The following CCDC66 variants were observed in gnomAD, a reference collection of about 807,000 sequenced individuals.
The protein encoded by CCDC66 is coiled-coil domain-containing protein 66.
CCDC66 carries 133 observed loss-of-function variants against 128.3 expected under a neutral mutation model. The ratio of observed to expected loss-of-function variants is 1.04; its 90% CI spans 0.90 to 1.20. The LOEUF (loss-of-function observed/expected upper bound fraction) is 1.20. CCDC66 is among the 50% of genes most tolerant of loss of function. The pLI, the probability that CCDC66 is intolerant of heterozygous loss-of-function variation, is 0.00. For synonymous variants in CCDC66, 387 were observed against 357.0 expected, an observed-to-expected ratio of 1.08 and a Z score of -0.95; for missense variants, 1,126 against 1,075.5, an observed-to-expected ratio of 1.05 and a Z score of -0.66.
chr3:56,583,544 G>A (rs371751124), intron 7 of CCDC66, among the ~76,000 whole-genome samples: 3 of 151,816 alleles, frequency 2.0e-5, no homozygotes, highest in South Asian at 2.1e-4. Context: ...AACAAAGCAC[G>A]TCTTGCACCG....
chr3:56,612,868 C>T (rs1007654637), intron 10 of CCDC66, among the ~76,000 whole-genome samples: 7 of 152,152 alleles, frequency 4.6e-5, no homozygotes, highest in Non-Finnish European at 8.8e-5. Flanking sequence ...GACCTGCCCC[C>T]GGGTTCCCAA....
In CCDC66 at chr3:56,594,031, A is replaced by G. The variant is rs143212383; in HGVS notation, c.1404+3A>G. The G allele has an allele frequency of 6.2e-6, 10 of 1,611,574 alleles. No homozygotes were observed. Among genetic ancestry groups the G allele is most frequent in the Middle Eastern group, 1.6e-4 (1 of 6,062 alleles). The stretch of plus-strand genomic sequence containing the variant: ...GACAAAAACAATTAGAGCATCAGGT[A>G]TTGCATTGTTAAACATTGTTCTTTA... On this transcript the variant is annotated splice_donor_region_variant and intron_variant, in intron 10 of 17. Transcript: ENST00000394672.
intron 7 of CCDC66, among the ~76,000 whole-genome samples, chr3:56,584,387 C>T (rs1332018828): frequency 6.7e-5 from 10 of 148,754 alleles, no homozygotes; most frequent in African/African-American, 7.4e-5. Context: ...GGGCGGCTGC[C>T]GGGTGGAGGG....
chr3:56,564,468 G>A (rs1241482993), intron 4 of CCDC66, among the ~76,000 whole-genome samples: 4 of 152,190 alleles, frequency 2.6e-5, no homozygotes, highest in African/African-American at 4.8e-5. Flanking sequence ...AACAAATTAC[G>A]GTATTTCCAG....
At chr3:56,586,695 G>A (rs1260159205) in intron 7 of CCDC66, among the ~76,000 whole-genome samples, 5 of 151,792 alleles carry the variant, frequency 3.3e-5, no homozygotes, top group Non-Finnish European at 7.4e-5. Flanking sequence ...GCAGAGATAT[G>A]AAAACTCCAA....
intron 4 of CCDC66, among the ~76,000 whole-genome samples, chr3:56,566,105 TCC>T (rs1262285740): frequency 1.4e-3 from 202 of 147,232 alleles, no homozygotes; most frequent in Non-Finnish European, 2.3e-3. Context: ...GGCTTCAGTT[TCC>T]TTTGTTTTGT....
Position 56,593,110 on chromosome 3 carries a change from T to C in CCDC66, c.1068+9T>C, listed in dbSNP as rs548245099. 31 of 1,561,686 alleles carry C rather than the reference T, an allele frequency of 2.0e-5. No homozygotes were observed. The Admixed American group carries it at 2.8e-4, about 14-fold the overall frequency. ...AAATTATATATTCAAAGGTAACTTA[T>C]GAGGTTTTGTGGCTATAAAAGAAAA... On this transcript the variant is annotated intron_variant, in intron 8 of 17. Coordinates refer to ENST00000394672, the MANE Select transcript of CCDC66 (RefSeq NM_001141947.3).
In CCDC66 at chr3:56,617,381, A is replaced by AT; in HGVS notation, c.2114dup (p.Asn706LysfsTer2). On this transcript the variant is annotated frameshift_variant, in exon 14 of 18. Coordinates refer to ENST00000394672, the MANE Select transcript of CCDC66 (RefSeq NM_001141947.3). LOFTEE classifies it high-confidence loss of function. ...ATATCCTAAAAGGCCTGATTGGAAT[A>AT]TAAATAAGCCACCTAAAAGGTATAT... 6.2e-7 allele frequency: 1 copy of AT among 1,613,960 alleles called. No homozygotes were observed. The highest frequency in any genetic ancestry group is 1.7e-5 in the Admixed American group (1 of 59,978).
chr3:56,563,382 T>A (rs11715065), intron 3 of CCDC66: 50 of 143,632 alleles, frequency 3.5e-4, no homozygotes, highest in African/African-American at 1.0e-3. Flanking sequence ...GTTAAAAAAA[T>A]TTTTTTAATT....
intron 10 of CCDC66, among the ~76,000 whole-genome samples, chr3:56,608,211 C>G (rs965161466): frequency 6.6e-5 from 10 of 152,090 alleles, no homozygotes; most frequent in Non-Finnish European, 2.9e-5. Context: ...AGAATTGGTA[C>G]CAATTACCTG....
Position 56,557,183 on chromosome 3 carries a change from G to T in CCDC66, c.-60G>T. 6.4e-7 allele frequency: 1 copy of T among 1,550,680 alleles called. No individual in the cohort carries two copies. Among genetic ancestry groups the T allele is most frequent in the Non-Finnish European group, 8.7e-7 (1 of 1,146,510 alleles). ...TTGGCGTAGCGCTTGCTGAGCGGCG[G>T]CGGCAACCGACGTACACAAGGGGCT... is the stretch of plus-strand genomic sequence containing the variant. On this transcript the variant is annotated 5_prime_UTR_variant, in exon 1 of 18. Transcript: ENST00000394672.
intron 3 of CCDC66, chr3:56,561,509 T>G: frequency 3.5e-6 from 1 of 287,614 alleles, no homozygotes; most frequent in Non-Finnish European, 6.7e-6. Flanking sequence ...TCAACTGATG[T>G]TGAGCCTAAA....
At chr3:56,604,968 T>C (rs2073854032) in intron 10 of CCDC66, among the ~76,000 whole-genome samples, 1 of 152,024 alleles carries the variant, frequency 6.6e-6, no homozygotes, top group Non-Finnish European at 1.5e-5. Context: ...GTGTTTGTTC[T>C]TTTTCATTCT....
At chr3:56,572,253 G>A in intron 7 of CCDC66, 1 of 718,542 alleles carries the variant, frequency 1.4e-6, no homozygotes, top group South Asian at 1.4e-5. Context: ...TAGTGCTTTT[G>A]TGATTTTTAA....
At chr3:56,612,977 G>T (rs951409388) in intron 10 of CCDC66, among the ~76,000 whole-genome samples, 2 of 152,158 alleles carry the variant, frequency 1.3e-5, no homozygotes, top group Admixed American at 6.5e-5. Flanking sequence ...CTGCATTGTA[G>T]CTCTGCTACT....
chr3:56,614,800 T>A (rs1184261241), intron 11 of CCDC66, among the ~76,000 whole-genome samples: 1 of 152,202 alleles, frequency 6.6e-6, no homozygotes, highest in Non-Finnish European at 1.5e-5. Context: ...AAGTATCATT[T>A]GAACCGCAAG....
intron 10 of CCDC66, among the ~76,000 whole-genome samples, chr3:56,610,165 T>C (rs950196535): frequency 2.0e-5 from 3 of 152,232 alleles, no homozygotes; most frequent in Non-Finnish European, 2.9e-5. Flanking sequence ...CCCCTAAATA[T>C]GTTTTGCAAG....
intron 7 of CCDC66, among the ~76,000 whole-genome samples, chr3:56,584,870 A>G (rs1227968722): frequency 6.6e-6 from 1 of 151,936 alleles, no homozygotes; most frequent in Non-Finnish European, 1.5e-5. Context: ...CTGGCAGATC[A>G]CTCACGGTTA....
intron 13 of CCDC66, chr3:56,616,653 G>A (rs1051593385): frequency 6.4e-6 from 1 of 156,046 alleles, no homozygotes. Flanking sequence ...TTTTTAGTTC[G>A]AGAGAAGAGT....
Sources: allele counts gnomAD v4.1 joint callset (sites outside exome capture counted in the v4.1 genomes callset), GRCh38; gene constraint gnomAD v4.1.1; transcripts MANE v1.5; gene names NCBI Gene and HGNC (gene_info 2026-07-23, HGNC 2026-07-21).